The following DLGAP2 variants were observed in gnomAD, a reference collection of about 807,000 sequenced individuals.
DLGAP2 encodes the protein DLG associated protein 2, also known as disks large-associated protein 2.
Under a neutral mutation model 100.3 loss-of-function variants are expected in DLGAP2, and 26 were observed. The observed-to-expected ratio is 0.26, with a 90% CI of 0.19 to 0.36. The LOEUF (loss-of-function observed/expected upper bound fraction) is 0.36, where lower values mean the gene tolerates loss of function less well. Ranked by LOEUF, DLGAP2 falls within the 10% of genes least tolerant of loss-of-function variation. DLGAP2 has a pLI of 1.00. For missense variants in DLGAP2, 1,858 were observed against 1,453.2 expected, an observed-to-expected ratio of 1.28 and a Z score of -4.53; for synonymous variants, 886 against 630.1, an observed-to-expected ratio of 1.41 and a Z score of -6.08.
chr8:1,648,212 CGTTTAA>C (rs1399939978), intron 8 of DLGAP2, among the ~76,000 whole-genome samples: 11 of 152,134 alleles, frequency 7.2e-5, no homozygotes, highest in Non-Finnish European at 1.3e-4. Flanking sequence ...AGGACTCTGA[CGTTTAA>C]GTTATAAACT....
rs1804473854 is a variant in DLGAP2, at chr8:1,098,638, G to C, written c.74-160213G>C. Reference sequence around the variant, plus strand: ...GCGCCGCCACCCACGCCAGGCTCCCGGCCGCCCACGGACGCCGCCACCCAC... The same window carrying C: ...GCGCCGCCACCCACGCCAGGCTCCCCGCCGCCCACGGACGCCGCCACCCAC... On this transcript the variant is annotated intron_variant, in intron 2 of 14. Transcript: ENST00000637795. Among the ~76,000 whole-genome samples, 4 of 108,296 alleles carry C rather than the reference G, an allele frequency of 3.7e-5. No homozygotes were observed. In the South Asian group the frequency reaches 1.0e-3, roughly 28 times the overall value. 71.0% of individuals were successfully genotyped at this position (108,296 alleles called of 152,430 possible). A position where few individuals can be genotyped will look rare whatever the true frequency, so the allele number is the denominator to read the frequency against.
chr8:793,947 A>G (rs1337879620), intron 1 of DLGAP2, among the ~76,000 whole-genome samples: 2 of 152,060 alleles, frequency 1.3e-5, no homozygotes, highest in Non-Finnish European at 2.9e-5. Context: ...TTCGCCTGCC[A>G]TACGACTCCA....
chr8:1,325,614 G>A (rs1801003783), intron 3 of DLGAP2, among the ~76,000 whole-genome samples: 1 of 152,210 alleles, frequency 6.6e-6, no homozygotes, highest in African/African-American at 2.4e-5. Context: ...GGATTAAGGG[G>A]ACACAAGCAT....
At chr8:1,057,576 A>G (rs539951708) in intron 2 of DLGAP2, among the ~76,000 whole-genome samples, 50 of 152,314 alleles carry the variant, frequency 3.3e-4, no homozygotes, top group Non-Finnish European at 6.9e-4. Context: ...ATGTCTATCT[A>G]TGGAAGAAGA....
In DLGAP2 at chr8:770,441, T is replaced by A. The variant is rs147554552; in HGVS notation, c.18+32616T>A. Among the ~76,000 whole-genome samples the A allele has an allele frequency of 4.6e-3, 706 of 152,316 alleles. 3 individuals carry two copies. The highest frequency in any genetic ancestry group is 0.016 in the African/African-American group (647 of 41,564). ...CTGACTGATGACCAAAGACTTTTTT[T>A]CTTATAGAAATTGAATTTTGAGACT... On this transcript the variant is annotated intron_variant, in intron 1 of 14. Transcript: ENST00000637795.
At chr8:1,033,920 A>G (rs1802052535) in intron 2 of DLGAP2, among the ~76,000 whole-genome samples, 1 of 75,186 alleles carries the variant, frequency 1.3e-5, no homozygotes, top group Non-Finnish European at 2.6e-5. Flanking sequence ...CCTCATCCCG[A>G]CCCCATGTGT....
At chr8:1,554,474 A>T (rs1024201233) in intron 5 of DLGAP2, among the ~76,000 whole-genome samples, 3 of 152,006 alleles carry the variant, frequency 2.0e-5, no homozygotes, top group African/African-American at 7.2e-5. Context: ...CCACCTCCAC[A>T]TGCTGGGTGA....
At chr8:1,287,506 G>T (rs961847540) in intron 3 of DLGAP2, among the ~76,000 whole-genome samples, 1 of 98,170 alleles carries the variant, frequency 1.0e-5, no homozygotes, top group Non-Finnish European at 2.0e-5. Flanking sequence ...GGTTCTGTTA[G>T]GAGGGGAACT....
At chr8:1,202,265 TG>T (rs1797895079) in intron 2 of DLGAP2, among the ~76,000 whole-genome samples, 14 of 147,232 alleles carry the variant, frequency 9.5e-5, no homozygotes, top group African/African-American at 3.7e-4. Flanking sequence ...TGTGTGTGTG[TG>T]TGTGTGTCTG....
At chr8:1,051,167 C>T (rs993233905) in intron 2 of DLGAP2, among the ~76,000 whole-genome samples, 1 of 152,004 alleles carries the variant, frequency 6.6e-6, no homozygotes, top group Non-Finnish European at 1.5e-5. Flanking sequence ...GCAGCTTCTT[C>T]CTGGGCAACA....
At chr8:1,215,740 G>A (rs1477294214) in intron 2 of DLGAP2, among the ~76,000 whole-genome samples, 1 of 84,936 alleles carries the variant, frequency 1.2e-5, no homozygotes, top group African/African-American at 6.4e-5. Context: ...ACCTGGAGAC[G>A]TCCAGGTACC....
rs373408281 is a variant in DLGAP2, at chr8:1,222,847, C to T, written c.74-36004C>T. ...AGGCGGGGAGCCCAGGAGAGGCCAG[C>T]AGTCAGAGGGGCGTTCAGATCAGAC... is the stretch of plus-strand genomic sequence containing the variant. On this transcript the variant is annotated intron_variant, in intron 2 of 14. Transcript: ENST00000637795. 5.9e-5 allele frequency among the ~76,000 whole-genome samples: 9 copies of T among 152,096 alleles called. No homozygotes were observed. The East Asian group carries it at 1.7e-3, about 29-fold the overall frequency.
chr8:1,331,230 C>G (rs1258958606), intron 3 of DLGAP2, among the ~76,000 whole-genome samples: 1 of 152,172 alleles, frequency 6.6e-6, no homozygotes, highest in East Asian at 1.9e-4. Context: ...CTAGTTGAAG[C>G]CATACTGTGT....
intron 2 of DLGAP2, chr8:1,002,924 A>G (rs931244185): frequency 6.6e-6 from 1 of 152,148 alleles, no homozygotes; most frequent in Non-Finnish European, 1.5e-5. Flanking sequence ...TCAGGTTAAC[A>G]CTCATTAAAT....
At chr8:1,223,001 G>A (rs1042249226) in intron 2 of DLGAP2, among the ~76,000 whole-genome samples, 14 of 152,142 alleles carry the variant, frequency 9.2e-5, no homozygotes, top group African/African-American at 2.7e-4. Flanking sequence ...CACTGCAGCC[G>A]TTCCCACACC....
chr8:1,044,831 C>G (rs922856196), intron 2 of DLGAP2, among the ~76,000 whole-genome samples: 3 of 152,208 alleles, frequency 2.0e-5, no homozygotes, highest in African/African-American at 7.2e-5. Context: ...GCAGAACGGA[C>G]CCACCCACGT....
chr8:1,293,307 G>C (rs961504271), intron 3 of DLGAP2, among the ~76,000 whole-genome samples: 1 of 152,296 alleles, frequency 6.6e-6, no homozygotes, highest in African/African-American at 2.4e-5. Flanking sequence ...CAGCCAGGCA[G>C]CAGCAGGCTG....
chr8:792,817 G>A (rs1795945083), intron 1 of DLGAP2, among the ~76,000 whole-genome samples: 1 of 152,150 alleles, frequency 6.6e-6, no homozygotes, highest in South Asian at 2.1e-4. Flanking sequence ...GTGTAGTTAT[G>A]TATTATTTTA....
intron 3 of DLGAP2, among the ~76,000 whole-genome samples, chr8:1,323,016 C>G (rs978485379): frequency 6.6e-5 from 10 of 151,666 alleles, no homozygotes; most frequent in African/African-American, 2.4e-4. Flanking sequence ...TAGATGTTGA[C>G]ACTGTTAAAC....
Sources: gnomAD v4.1 joint callset for allele counts (sites outside exome capture counted in the v4.1 genomes callset) on GRCh38, gnomAD v4.1.1 for gene constraint, MANE v1.5 for transcripts, NCBI Gene and HGNC (gene_info 2026-07-23, HGNC 2026-07-21) for gene names.